DLG2: variants seen among roughly 807,000 people sequenced by gnomAD.
DLG2 encodes discs large MAGUK scaffold protein 2, also known as disks large homolog 2.
A neutral mutation model predicts 132.5 loss-of-function variants in DLG2; 45 were observed. The observed-to-expected ratio is 0.34, with a 90% CI of 0.27 to 0.44. The LOEUF (loss-of-function observed/expected upper bound fraction) is 0.44. Ranked by LOEUF, DLG2 falls within the 20% of genes least tolerant of loss-of-function variation. The probability of loss-of-function intolerance (pLI) is 1.00; values close to 1 mark genes in which losing one functional copy is unlikely to be tolerated. For missense variants in DLG2, 1,045 were observed against 1,196.9 expected (o/e 0.87, Z 1.87); for synonymous variants, 424 against 419.6 (o/e 1.01, Z -0.13).
At chr11:83,740,074 T>G (rs1420895550) in intron 18 of DLG2, among the ~76,000 whole-genome samples, 1 of 152,098 alleles carries the variant, frequency 6.6e-6, no homozygotes, top group Non-Finnish European at 1.5e-5. Flanking sequence ...GAAAAACTAA[T>G]GTGGAAGTAA....
intron 19 of DLG2, among the ~76,000 whole-genome samples, chr11:83,622,186 C>T (rs2153435024): frequency 6.6e-6 from 1 of 152,272 alleles, no homozygotes; most frequent in Non-Finnish European, 1.5e-5. Context: ...CCCCAGCCTC[C>T]CAAAGTGCTG....
chr11:83,962,833 A>G, intron 14 of DLG2, 52 bp downstream of exon 14: 1 of 1,598,118 alleles, frequency 6.3e-7, no homozygotes, highest in South Asian at 1.1e-5. Flanking sequence ...GGCAAATGTG[A>G]TTTCTTTCTG....
At chr11:84,978,807 G>T (rs967932506) in intron 6 of DLG2, among the ~76,000 whole-genome samples, 20 of 152,132 alleles carry the variant, frequency 1.3e-4, no homozygotes, top group Admixed American at 9.2e-4. Flanking sequence ...AGCCAAAATT[G>T]ACAAATGGGA....
At position 84,031,143 on chromosome 11, in the gene DLG2, G is replaced by T. The variant is rs184438082; in HGVS notation, c.919+28172C>A. On this transcript the variant is annotated intron_variant, in intron 11 of 27. Coordinates refer to ENST00000376104, the MANE Select transcript of DLG2 (RefSeq NM_001142699.3). ...AGATTATACATCTATCACCAGAAGG[G>T]TATTGAAACTAAATTACAATTATAC... is the stretch of plus-strand genomic sequence containing the variant. Among the ~76,000 whole-genome samples, 34 of 151,468 alleles carry T rather than the reference G, an allele frequency of 2.2e-4. No individual in the cohort carries two copies. In the East Asian group the frequency reaches 5.9e-3, roughly 26 times the overall value.
chr11:85,389,896 A>G (rs1359118411), intron 3 of DLG2, among the ~76,000 whole-genome samples: 1 of 152,204 alleles, frequency 6.6e-6, no homozygotes, highest in East Asian at 1.9e-4. Flanking sequence ...GAAATACACC[A>G]AAATAGGATC....
intron 3 of DLG2, among the ~76,000 whole-genome samples, chr11:85,530,406 C>T (rs140488789): frequency 0.016 from 2,492 of 151,736 alleles, 34 homozygotes; most frequent in Middle Eastern, 0.034. Flanking sequence ...CTGCAACCTC[C>T]GCCTCCCAGG....
At chr11:85,048,735 T>TA (rs1393467533) in intron 6 of DLG2, among the ~76,000 whole-genome samples, 5 of 152,088 alleles carry the variant, frequency 3.3e-5, no homozygotes, top group African/African-American at 1.2e-4. Context: ...GTGAAGTCAT[T>TA]AAAATAATAA....
intron 9 of DLG2, among the ~76,000 whole-genome samples, chr11:84,112,797 C>A (rs1432552436): frequency 6.6e-6 from 1 of 152,148 alleles, no homozygotes. Flanking sequence ...AGGTGCTACT[C>A]CCTTGGAACG....
At chr11:84,828,672 G>A (rs559677719) in intron 6 of DLG2, among the ~76,000 whole-genome samples, 1 of 151,800 alleles carries the variant, frequency 6.6e-6, no homozygotes, top group Admixed American at 6.6e-5. Flanking sequence ...TAAAGACATG[G>A]AGGTGCCAAA....
intron 6 of DLG2, among the ~76,000 whole-genome samples, chr11:84,953,847 G>A (rs1452227513): frequency 1.3e-5 from 2 of 151,804 alleles, no homozygotes; most frequent in South Asian, 2.1e-4. Context: ...TCTCACCACC[G>A]CCCTTCTTCA....
chr11:84,640,296 G>A (rs538714887), intron 6 of DLG2: 13 of 337,398 alleles, frequency 3.9e-5, no homozygotes, highest in African/African-American at 1.7e-4. Flanking sequence ...TATCAATGTC[G>A]TTATCTAGGA....
intron 6 of DLG2, among the ~76,000 whole-genome samples, chr11:85,010,538 G>T (rs1232412384): frequency 2.0e-5 from 3 of 152,026 alleles, no homozygotes; most frequent in Non-Finnish European, 1.5e-5. Flanking sequence ...CTAGTGGGCG[G>T]GTAAAGATAG....
intron 3 of DLG2, among the ~76,000 whole-genome samples, chr11:85,471,705 A>G (rs2092989586): frequency 6.6e-6 from 1 of 152,238 alleles, no homozygotes; most frequent in South Asian, 2.1e-4. Flanking sequence ...TACAGAAGTG[A>G]GAATGATCAA....
intron 6 of DLG2, among the ~76,000 whole-genome samples, chr11:84,912,188 C>T (rs113816781): frequency 1.3e-5 from 2 of 152,200 alleles, no homozygotes; most frequent in African/African-American, 2.4e-5. Flanking sequence ...CTCACTCTGT[C>T]GCCCAGGCTG....
At chr11:85,587,439 A>G (rs192370102) in intron 3 of DLG2, among the ~76,000 whole-genome samples, 64 of 152,260 alleles carry the variant, frequency 4.2e-4, no homozygotes, top group African/African-American at 1.5e-3. Flanking sequence ...GGATCTTTTT[A>G]TCATTACATA....
chr11:85,375,777 T>C (rs1342593717), intron 3 of DLG2, among the ~76,000 whole-genome samples: 1 of 152,180 alleles, frequency 6.6e-6, no homozygotes, highest in Non-Finnish European at 1.5e-5. Context: ...TTGACTGTGC[T>C]CTTGTAAAGC....
intron 3 of DLG2, among the ~76,000 whole-genome samples, chr11:85,395,770 C>T (rs1483830395): frequency 1.3e-5 from 2 of 152,232 alleles, no homozygotes; most frequent in African/African-American, 4.8e-5. Flanking sequence ...GAAGCACAAA[C>T]TGGGTGGAGC....
intron 11 of DLG2, among the ~76,000 whole-genome samples, chr11:84,039,013 C>A (rs115618681): frequency 0.013 from 2,040 of 152,120 alleles, 48 homozygotes; most frequent in African/African-American, 0.045. Flanking sequence ...ATGGGAACTA[C>A]AAGATGAGAT....
intron 7 of DLG2, among the ~76,000 whole-genome samples, chr11:84,287,578 T>A (rs2097922278): frequency 2.0e-5 from 3 of 152,152 alleles, no homozygotes; most frequent in Non-Finnish European, 4.4e-5. Flanking sequence ...CTAATCAATG[T>A]ATCTTCACTG....
Sources: gnomAD v4.1 joint callset for allele counts (sites outside exome capture counted in the v4.1 genomes callset) on GRCh38, gnomAD v4.1.1 for gene constraint, MANE v1.5 for transcripts, NCBI Gene and HGNC (gene_info 2026-07-23, HGNC 2026-07-21) for gene names.